Variants in CNTN5 observed in about 807,000 individuals in gnomAD.
CNTN5 encodes the protein contactin-5.
Under a neutral mutation model 129.1 loss-of-function variants are expected in CNTN5, and 77 were observed. The observed-to-expected ratio is 0.60, with a 90% CI of 0.50 to 0.72. CNTN5 has a LOEUF of 0.72. Ranked by LOEUF, CNTN5 falls within the 30% of genes least tolerant of loss-of-function variation. The pLI is 0.00. For synonymous variants in CNTN5, 509 were observed against 465.6 expected (o/e 1.09, Z -1.20); for missense variants, 1,478 against 1,328.8 (o/e 1.11, Z -1.75).
chr11:99,874,595 AT>A (rs1948587042), intron 6 of CNTN5, among the ~76,000 whole-genome samples: 1 of 152,176 alleles, frequency 6.6e-6, no homozygotes, highest in African/African-American at 2.4e-5. Context: ...TCTATCATTT[AT>A]CTTTTTATTT....
intron 15 of CNTN5, among the ~76,000 whole-genome samples, chr11:100,209,073 T>G (rs1343372901): frequency 6.6e-6 from 1 of 152,210 alleles, no homozygotes; most frequent in Non-Finnish European, 1.5e-5. Flanking sequence ...TGGTCACACA[T>G]GTCTCACTGA....
chr11:99,085,643 A>C (rs1865976543), intron 1 of CNTN5, among the ~76,000 whole-genome samples: 1 of 152,176 alleles, frequency 6.6e-6, no homozygotes, highest in South Asian at 2.1e-4. Context: ...ATTTAATGAT[A>C]ATTTTGTTAT....
intron 1 of CNTN5, among the ~76,000 whole-genome samples, chr11:99,231,220 A>C (rs998518422): frequency 6.6e-6 from 1 of 152,196 alleles, no homozygotes; most frequent in Non-Finnish European, 1.5e-5. Flanking sequence ...GTCTTTGAGG[A>C]ATTGTCACAC....
intron 3 of CNTN5, among the ~76,000 whole-genome samples, chr11:99,668,309 A>T (rs907852682): frequency 6.6e-6 from 1 of 152,152 alleles, no homozygotes; most frequent in Non-Finnish European, 1.5e-5. Flanking sequence ...CAGAGGGCTA[A>T]TTGATCACTT....
At chr11:99,317,534 A>C (rs1370169573) in intron 1 of CNTN5, among the ~76,000 whole-genome samples, 1 of 151,984 alleles carries the variant, frequency 6.6e-6, no homozygotes, top group East Asian at 1.9e-4. Flanking sequence ...TCATTTTGGG[A>C]ACCTTTCCAG....
rs536633708 is a variant in CNTN5, at chr11:99,835,203, C to T, written c.278-9649C>T. Among the ~76,000 whole-genome samples, 11 of 152,150 alleles carry T rather than the reference C, an allele frequency of 7.2e-5. No homozygotes were observed. In the South Asian group the frequency reaches 1.2e-3, roughly 17 times the overall value. ...GTTCAGATGCAGAAACTGATGATGA[C>T]GCATATGTTCAAAAAGGGTATGAAG... On this transcript the variant is annotated intron_variant, in intron 4 of 24. Transcript: ENST00000524871.
chr11:99,637,819 CAA>C (rs1478594883), intron 3 of CNTN5, among the ~76,000 whole-genome samples: 4 of 151,652 alleles, frequency 2.6e-5, no homozygotes, highest in African/African-American at 4.8e-5. Flanking sequence ...TATACATATT[CAA>C]AAGACTCCAT....
chr11:99,697,656 C>T (rs665539), intron 3 of CNTN5, among the ~76,000 whole-genome samples: 69,955 of 151,064 alleles, frequency 0.46, 16,610 homozygotes, highest in Middle Eastern at 0.53. Context: ...TTAGGGAAAT[C>T]TGAATAAAGT....
chr11:99,195,459 G>A (rs751915428), intron 1 of CNTN5, among the ~76,000 whole-genome samples: 9 of 152,062 alleles, frequency 5.9e-5, no homozygotes, highest in Non-Finnish European at 8.8e-5. Flanking sequence ...ATCCTAATCA[G>A]CAATACATTA....
At chr11:99,099,555 C>T (rs111311603) in intron 1 of CNTN5, among the ~76,000 whole-genome samples, 1 of 107,782 alleles carries the variant, frequency 9.3e-6, no homozygotes, top group African/African-American at 4.8e-5. Flanking sequence ...TGTATACACA[C>T]ACACACACAC....
chr11:100,063,498 C>A (rs1358493258), intron 10 of CNTN5, among the ~76,000 whole-genome samples: 1 of 151,954 alleles, frequency 6.6e-6, no homozygotes, highest in Non-Finnish European at 1.5e-5. Flanking sequence ...CTTTCTTCAG[C>A]CCATGTTTAG....
intron 6 of CNTN5, among the ~76,000 whole-genome samples, chr11:99,889,044 A>T (rs1346154461): frequency 6.6e-6 from 1 of 152,182 alleles, no homozygotes; most frequent in Non-Finnish European, 1.5e-5. Flanking sequence ...CATCATCATA[A>T]TCATGATTAA....
chr11:100,070,668 C>G (rs908680307), intron 11 of CNTN5, 108 bp downstream of exon 11: 1 of 927,182 alleles, frequency 1.1e-6, no homozygotes, highest in African/African-American at 1.7e-5. Context: ...GTTTCTGATT[C>G]GTATAATAGG....
At chr11:99,460,645 C>G (rs143849927) in intron 2 of CNTN5, among the ~76,000 whole-genome samples, 7 of 152,052 alleles carry the variant, frequency 4.6e-5, no homozygotes, top group African/African-American at 7.2e-5. Flanking sequence ...ACTGACTGGA[C>G]TTACCCTCCT....
intron 13 of CNTN5, among the ~76,000 whole-genome samples, chr11:100,109,714 A>G (rs984852411): frequency 2.0e-5 from 3 of 152,240 alleles, no homozygotes; most frequent in Non-Finnish European, 4.4e-5. Flanking sequence ...TTATGCACTT[A>G]ACGATTATGC....
At chr11:99,153,108 T>C (rs771311094) in intron 1 of CNTN5, among the ~76,000 whole-genome samples, 3 of 152,194 alleles carry the variant, frequency 2.0e-5, no homozygotes, top group Non-Finnish European at 2.9e-5. Flanking sequence ...GAGAATCTGA[T>C]GACTATGTGT....
At chr11:99,021,488 G>T (rs1392441817) in intron 1 of CNTN5, among the ~76,000 whole-genome samples, 1 of 152,174 alleles carries the variant, frequency 6.6e-6, no homozygotes, top group African/African-American at 2.4e-5. Context: ...GTTGAAACAA[G>T]AGTAAATATA....
chr11:99,162,502 C>T (rs748520763), intron 1 of CNTN5, among the ~76,000 whole-genome samples: 14 of 152,108 alleles, frequency 9.2e-5, no homozygotes, highest in Non-Finnish European at 4.4e-5. Flanking sequence ...CTCTGGATTT[C>T]AATCCTTGCA....
At chr11:99,244,541 C>G (rs1265483115) in intron 1 of CNTN5, among the ~76,000 whole-genome samples, 1 of 152,062 alleles carries the variant, frequency 6.6e-6, no homozygotes, top group Non-Finnish European at 1.5e-5. Context: ...TGTAATAACT[C>G]TTTCTATTCT....
Sources: gnomAD v4.1 joint callset for allele counts (sites outside exome capture counted in the v4.1 genomes callset) on GRCh38, gnomAD v4.1.1 for gene constraint, MANE v1.5 for transcripts, NCBI Gene and HGNC (gene_info 2026-07-23, HGNC 2026-07-21) for gene names.